NEK5: variants seen among roughly 807,000 people sequenced by gnomAD.
NEK5 encodes NIMA related kinase 5.
A neutral mutation model predicts 109.2 loss-of-function variants in NEK5; 88 were observed. The observed-to-expected ratio is 0.81, with a 90% CI of 0.68 to 0.96. The LOEUF is 0.96. Ranked by LOEUF, NEK5 falls within the 40% of genes least tolerant of loss-of-function variation. NEK5 has a pLI of 0.00. For missense variants in NEK5, 834 were observed against 920.7 expected (o/e 0.91, Z 1.22); for synonymous variants, 283 against 299.9 (o/e 0.94, Z 0.58).
intron 21 of NEK5, 103 bp downstream of exon 21, chr13:52,065,381 T>C (rs747846562): frequency 2.7e-6 from 4 of 1,464,814 alleles, no homozygotes; most frequent in East Asian, 4.5e-5. Context: ...ACAAGATCTA[T>C]AGGGTGTATA....
At chr13:52,065,326 T>C (rs71437831) in intron 21 of NEK5, 158 bp downstream of exon 21, 23,097 of 1,001,696 alleles carry the variant, frequency 0.023, 721 homozygotes, top group Admixed American at 0.12. Context: ...CAAGTCTCTT[T>C]AGGCATAGGG....
Position 52,076,114 on chromosome 13 carries a change from C to T in NEK5, c.1602G>A (p.Arg534=), listed in dbSNP as rs371803664. Reference sequence around the variant, plus strand: ...TTTTACTTTCCTTTGTGTTCTGAAGCCTCATTTGTTTCAAGTCTTTTTCAA... The same window carrying T: ...TTTTACTTTCCTTTGTGTTCTGAAGTCTCATTTGTTTCAAGTCTTTTTCAA... ...QDIEKDLKQM[R]LQNTKESKNP... is the part of the protein sequence containing the mutation. Residue 534 remains arginine, a synonymous_variant, in exon 18 of 24, where the codon AGG becomes AGA. Transcript: ENST00000684899. The T allele has an allele frequency of 6.3e-7, 1 of 1,598,372 alleles. No homozygotes were observed. The highest frequency in any genetic ancestry group is 1.3e-5 in the African/African-American group (1 of 74,332).
chr13:52,103,777 G>A (rs768123079), intron 9 of NEK5, among the ~76,000 whole-genome samples: 1 of 152,174 alleles, frequency 6.6e-6, no homozygotes, highest in Non-Finnish European at 1.5e-5. Flanking sequence ...TGGGCACTGG[G>A]TATATCCGAT....
chr13:52,056,814 T>G (rs1954560405), intron 22 of NEK5, among the ~76,000 whole-genome samples: 1 of 150,960 alleles, frequency 6.6e-6, no homozygotes, highest in African/African-American at 2.4e-5. Flanking sequence ...AGAGGGAAAT[T>G]TATAGCACTA....
At position 52,071,973 on chromosome 13, in the gene NEK5, G is replaced by A; in HGVS notation, c.1820C>T (p.Ala607Val). 6.2e-7 allele frequency: 1 copy of A among 1,612,732 alleles called. No individual in the cohort carries two copies. The highest frequency in any genetic ancestry group is 8.5e-7 in the Non-Finnish European group (1 of 1,178,932). The change falls in exon 20 of 24, where the codon GCA (alanine) becomes GTA (valine). Residue 607 changes from alanine (A) to valine (V), a missense_variant. By Grantham distance (64) the Ala-to-Val change is moderately conservative. Around this residue, in one of 2 missense-constraint regions of NEK5, gnomAD observed 777 missense variants for 824.7 expected, o/e 0.94. Transcript: ENST00000684899. ...TTCTGGGCAGTGAAGTTTTTCAAAT[G>A]CTTTGTCTGTATAATCTCCATGCTC... ...VKEHGDYTDK[A>V]FEKLHCPEAG...
intron 12 of NEK5, among the ~76,000 whole-genome samples, chr13:52,095,447 A>G (rs1955387479): frequency 6.6e-6 from 1 of 152,222 alleles, no homozygotes; most frequent in Non-Finnish European, 1.5e-5. Context: ...AATCAATTTT[A>G]CCTTTTCAAG....
At position 52,087,353 on chromosome 13, in the gene NEK5, GT is replaced by G; in HGVS notation, c.1376del (p.Asn459ThrfsTer3). 6.4e-7 allele frequency: 1 copy of G among 1,569,852 alleles called. No individual in the cohort carries two copies. Among genetic ancestry groups the G allele is most frequent in the Non-Finnish European group, 8.8e-7 (1 of 1,140,362 alleles). On this transcript the variant is annotated frameshift_variant, in exon 15 of 24. Coordinates refer to ENST00000684899, the MANE Select transcript of NEK5 (RefSeq NM_001365552.1). LOFTEE classifies it high-confidence loss of function. ...AGTTTTTAACCTGTTCCTTCATTTC[GT>G]TTTTCCTAAATGGCAGCTCCTGGAA... is the stretch of plus-strand genomic sequence containing the variant. Reference protein sequence around the residue: ...PRFQELPFRKNEMKEQEYWKQ... With the variant: ...PRFQELPFRKXEMKEQEYWKQ...
chr13:52,113,697 C>T (rs1955799039), intron 4 of NEK5, among the ~76,000 whole-genome samples: 1 of 150,378 alleles, frequency 6.6e-6, no homozygotes, highest in Admixed American at 6.6e-5. Flanking sequence ...TAAAATATGT[C>T]TGTATAATTG....
At chr13:52,077,348 T>C (rs746684514) in intron 17 of NEK5, among the ~76,000 whole-genome samples, 2 of 152,212 alleles carry the variant, frequency 1.3e-5, no homozygotes, top group Non-Finnish European at 2.9e-5. Context: ...AAATGGTTTT[T>C]AATACATTAG....
intron 8 of NEK5, among the ~76,000 whole-genome samples, chr13:52,105,420 T>C (rs960255266): frequency 1.3e-5 from 2 of 152,074 alleles, no homozygotes; most frequent in African/African-American, 4.8e-5. Flanking sequence ...GGTTTCACCA[T>C]GTTGCTCAGG....
chr13:52,102,155 G>A lies in NEK5; in HGVS notation c.747C>T (p.Ser249=), dbSNP rs1419150473. The A allele has an allele frequency of 1.2e-6, 2 of 1,613,902 alleles. No homozygotes were observed. Among genetic ancestry groups the A allele is most frequent in the South Asian group, 2.2e-5 (2 of 91,074 alleles). The change falls in exon 10 of 24, where the codon TCC becomes TCT. Residue 249 remains serine, a synonymous_variant. Transcript: ENST00000684899. The part of the protein sequence containing the change: ...LFQVSPRDRP[S]INSILKRPFL... ...AGGGCCTTTTCAAAATGGAATTTAT[G>A]GATGGTCGGTCTCGAGGAGATACTT...
At position 52,055,872 on chromosome 13, in the gene NEK5, C is replaced by G. The variant is rs139336644; in HGVS notation, c.2111-5651G>C. On this transcript the variant is annotated intron_variant, in intron 22 of 23. Coordinates refer to ENST00000684899, the MANE Select transcript of NEK5 (RefSeq NM_001365552.1). ...CAAAATGTAAAGACCATCGAGACTA[C>G]GAAGAAACTGCACCAACTAACGAGC... Among the ~76,000 whole-genome samples, 162 of 151,968 alleles carry G rather than the reference C, an allele frequency of 1.1e-3. 1 individual carries two copies. Among genetic ancestry groups the G allele is most frequent in the Middle Eastern group, 3.4e-3 (1 of 294 alleles).
intron 3 of NEK5, among the ~76,000 whole-genome samples, chr13:52,120,923 A>G (rs1594006402): frequency 6.6e-6 from 1 of 151,972 alleles, no homozygotes; most frequent in East Asian, 1.9e-4. Flanking sequence ...AAAAAAAAAA[A>G]AAAGGAATAA....
chr13:52,104,437 A>C, intron 9 of NEK5, 61 bp downstream of exon 9: 1 of 1,160,420 alleles, frequency 8.6e-7, no homozygotes, highest in Non-Finnish European at 1.3e-6. Context: ...TTCTCCCAGA[A>C]GTTAATTTCT....
intron 9 of NEK5, among the ~76,000 whole-genome samples, chr13:52,104,296 C>A (rs746952739): frequency 6.6e-6 from 1 of 152,202 alleles, no homozygotes; most frequent in Non-Finnish European, 1.5e-5. Flanking sequence ...ATATGCTACA[C>A]ATACTATTCT....
rs188488967 is a variant in NEK5 at position 52,077,227 on chromosome 13, T to C, written c.1573-1084A>G. On this transcript the variant is annotated intron_variant, in intron 17 of 23. Coordinates refer to ENST00000684899, the MANE Select transcript of NEK5 (RefSeq NM_001365552.1). ...AACTCTTGAGTGCCCTCCACCCCTC[T>C]CCAGCAGTGGGCACTGAAAACGTAT... Among the ~76,000 whole-genome samples, 3 of 152,260 alleles carry C rather than the reference T, an allele frequency of 2.0e-5. No individual in the cohort carries two copies. The East Asian group carries it at 5.8e-4, about 29-fold the overall frequency.
At chr13:52,042,518 A>G (rs191939679) in intron 23 of NEK5, among the ~76,000 whole-genome samples, 12 of 151,942 alleles carry the variant, frequency 7.9e-5, no homozygotes, top group African/African-American at 2.9e-4. Context: ...AACAATGTTG[A>G]TAATTGTTGA....
intron 23 of NEK5, among the ~76,000 whole-genome samples, chr13:52,043,092 A>T (rs1448950054): frequency 2.6e-5 from 4 of 152,142 alleles, no homozygotes; most frequent in Non-Finnish European, 5.9e-5. Context: ...TACATATTAT[A>T]AAAGTACTTA....
Position 52,101,991 on chromosome 13 carries a change from G to A in NEK5, c.834C>T (p.His278=), listed in dbSNP as rs772367241. 779 of 1,614,024 alleles carry A rather than the reference G, an allele frequency of 4.8e-4. 4 individuals carry two copies. Among genetic ancestry groups the A allele is most frequent in the Non-Finnish European group, 1.1e-4 (129 of 1,180,020 alleles). Reference sequence around the variant, plus strand: ...GCGCTCCTGCTCTGCATATAAGCATGTGACTGAATTCTTCCTGAATGACCT... The same window carrying A: ...GCGCTCCTGCTCTGCATATAAGCATATGACTGAATTCTTCCTGAATGACCT... ...TPEVIQEEFS[H]MLICRAGAPA... Residue 278 remains histidine (H), a synonymous_variant, in exon 11 of 24, where the codon CAC becomes CAT. Transcript: ENST00000684899.
Sources: allele counts gnomAD v4.1 joint callset (sites outside exome capture counted in the v4.1 genomes callset), GRCh38; gene constraint gnomAD v4.1.1; regional missense constraint gnomAD v4.1.1; transcripts MANE v1.5; gene names NCBI Gene and HGNC (gene_info 2026-07-23, HGNC 2026-07-21).